IMMP1L: variants seen among roughly 807,000 people sequenced by gnomAD.
IMMP1L encodes mitochondrial inner membrane protease subunit 1.
IMMP1L carries 24 observed loss-of-function variants against 21.8 expected under a neutral mutation model. The ratio of observed to expected loss-of-function variants is 1.10; its 90% CI spans 0.80 to 1.55. IMMP1L has a LOEUF of 1.55. Ranked by LOEUF, IMMP1L falls within the 40% of genes most tolerant of loss-of-function variation. The pLI is 0.00. For synonymous variants in IMMP1L, 46 were observed against 62.8 expected (o/e 0.73, Z 1.26); for missense variants, 195 against 200.7 (o/e 0.97, Z 0.17).
At chr11:31,474,152 G>A (rs1379236460) in intron 1 of IMMP1L, among the ~76,000 whole-genome samples, 1 of 152,134 alleles carries the variant, frequency 6.6e-6, no homozygotes, top group African/African-American at 2.4e-5. Context: ...CTGAGACCTT[G>A]GAGATGTTCA....
At chr11:31,481,417 C>A (rs982791103) in intron 1 of IMMP1L, among the ~76,000 whole-genome samples, 2 of 151,964 alleles carry the variant, frequency 1.3e-5, no homozygotes, top group African/African-American at 2.4e-5. Context: ...TGAAAAATAT[C>A]TAAATGCTTA....
chr11:31,442,884 T>C (rs902991965), intron 4 of IMMP1L, among the ~76,000 whole-genome samples: 5 of 152,216 alleles, frequency 3.3e-5, no homozygotes, highest in African/African-American at 1.2e-4. Context: ...AACGATACTC[T>C]AGTCTCAAAA....
At chr11:31,438,735 ATTAT>A (rs1953212319) in intron 4 of IMMP1L, among the ~76,000 whole-genome samples, 1 of 151,712 alleles carries the variant, frequency 6.6e-6, no homozygotes, top group Non-Finnish European at 1.5e-5. Flanking sequence ...TCTCTATTGG[ATTAT>A]TTTTCTGAAT....
intron 4 of IMMP1L, among the ~76,000 whole-genome samples, chr11:31,443,898 C>G (rs1953424093): frequency 6.6e-6 from 1 of 152,178 alleles, no homozygotes; most frequent in South Asian, 2.1e-4. Context: ...TTTTTACTAA[C>G]AGTCTCTCTT....
intron 1 of IMMP1L, among the ~76,000 whole-genome samples, chr11:31,484,770 C>T (rs1955018110): frequency 1.3e-5 from 2 of 151,984 alleles, no homozygotes; most frequent in Middle Eastern, 3.4e-3. Flanking sequence ...CTATTCCTCT[C>T]TCCGGGCCTC....
intron 1 of IMMP1L, among the ~76,000 whole-genome samples, chr11:31,466,219 A>G (rs145720808): frequency 1.4e-4 from 22 of 152,242 alleles, no homozygotes; most frequent in African/African-American, 5.3e-4. Flanking sequence ...GTATCATCTT[A>G]CCACAGTTAG....
intron 2 of IMMP1L, among the ~76,000 whole-genome samples, chr11:31,461,729 C>A (rs1304544100): frequency 1.3e-5 from 2 of 152,008 alleles, no homozygotes; most frequent in Admixed American, 6.6e-5. Context: ...GGGTCCCATC[C>A]CCAAAATATC....
chr11:31,480,334 T>A (rs1342904301), intron 1 of IMMP1L, among the ~76,000 whole-genome samples: 1 of 152,076 alleles, frequency 6.6e-6, no homozygotes, highest in Non-Finnish European at 1.5e-5. Flanking sequence ...ATTAGTCTTT[T>A]GATCATATCA....
chr11:31,438,302 G>T (rs1182629214), intron 4 of IMMP1L, among the ~76,000 whole-genome samples: 2 of 152,120 alleles, frequency 1.3e-5, no homozygotes, highest in African/African-American at 4.8e-5. Flanking sequence ...CTTCTCTGAT[G>T]AAAGCATTTT....
At chr11:31,467,757 T>G (rs1954408165) in intron 1 of IMMP1L, among the ~76,000 whole-genome samples, 1 of 151,032 alleles carries the variant, frequency 6.6e-6, no homozygotes, top group African/African-American at 2.5e-5. Flanking sequence ...CAAAAAGATA[T>G]TTGAAAAGTA....
intron 1 of IMMP1L, among the ~76,000 whole-genome samples, chr11:31,474,812 T>C (rs1476878374): frequency 2.6e-5 from 4 of 152,206 alleles, no homozygotes; most frequent in African/African-American, 9.6e-5. Flanking sequence ...CAAAATAACA[T>C]GAAAACCTAA....
chr11:31,436,011 T>C (rs1953105134), intron 4 of IMMP1L, among the ~76,000 whole-genome samples: 1 of 151,582 alleles, frequency 6.6e-6, no homozygotes. Flanking sequence ...GTTGGCAGTG[T>C]CAAATATTAT....
chr11:31,506,226 CTTT>C (rs548091856), intron 1 of IMMP1L, among the ~76,000 whole-genome samples: 5 of 131,190 alleles, frequency 3.8e-5, no homozygotes, highest in East Asian at 2.2e-4. Flanking sequence ...AAACATATAA[CTTT>C]TTTTTTTTTT....
chr11:31,489,641 T>A (rs1306231606), intron 1 of IMMP1L, among the ~76,000 whole-genome samples: 2 of 152,224 alleles, frequency 1.3e-5, no homozygotes, highest in Admixed American at 1.3e-4. Flanking sequence ...CACATTTCAC[T>A]TTTCTGATAA....
At chr11:31,437,215 CGA>C in intron 4 of IMMP1L, 1 of 419,696 alleles carries the variant, frequency 2.4e-6, no homozygotes, top group Non-Finnish European at 4.8e-6. Context: ...TGCATATACA[CGA>C]GATATCCAGG....
chr11:31,437,275 A>G (rs1953156803), intron 4 of IMMP1L: 1 of 318,828 alleles, frequency 3.1e-6, no homozygotes, highest in African/African-American at 2.2e-5. Context: ...TTTCATATAC[A>G]CCTCATATAT....
At chr11:31,469,022 G>A (rs1954456553) in intron 1 of IMMP1L, among the ~76,000 whole-genome samples, 1 of 152,104 alleles carries the variant, frequency 6.6e-6, no homozygotes, top group Non-Finnish European at 1.5e-5. Context: ...GAATCTCACT[G>A]TGGCTTTGAT....
At chr11:31,508,297 C>T (rs1467891182) in intron 1 of IMMP1L, among the ~76,000 whole-genome samples, 2 of 152,140 alleles carry the variant, frequency 1.3e-5, no homozygotes, top group African/African-American at 4.8e-5. Flanking sequence ...ATTTTAAGTA[C>T]TATGTTGTTT....
chr11:31,474,058 T>C (rs939674563), intron 1 of IMMP1L, among the ~76,000 whole-genome samples: 1 of 152,128 alleles, frequency 6.6e-6, no homozygotes, highest in African/African-American at 2.4e-5. Flanking sequence ...ACAAGTTAGA[T>C]AGGGAAGGAG....
Sources: allele counts gnomAD v4.1 joint callset (sites outside exome capture counted in the v4.1 genomes callset), GRCh38; gene constraint gnomAD v4.1.1; transcripts MANE v1.5; gene names NCBI Gene and HGNC (gene_info 2026-07-23, HGNC 2026-07-21).